Variants in AFF2 observed in about 807,000 individuals in gnomAD.
The protein encoded by AFF2 is ALF transcription elongation factor 2.
In AFF2, 14 loss-of-function variants were observed where a neutral mutation model predicts 76.9. The ratio of observed to expected loss-of-function variants is 0.18; its 90% CI spans 0.12 to 0.28. The LOEUF (loss-of-function observed/expected upper bound fraction) is 0.28. Ranked by LOEUF, AFF2 falls within the 10% of genes least tolerant of loss-of-function variation. The pLI is 1.00. For synonymous variants in AFF2, 398 were observed against 366.7 expected (o/e 1.09, Z -0.98); for missense variants, 868 against 1,001.1 (o/e 0.87, Z 1.79).
intron 3 of AFF2, among the ~76,000 whole-genome samples, chrX:148,715,002 A>G (rs782521224): frequency 1.5e-4 from 17 of 111,005 alleles, no homozygotes; most frequent in Non-Finnish European, 2.8e-4. Context: ...AAATAAAGGG[A>G]AGAGGAGAGT....
intron 8 of AFF2, among the ~76,000 whole-genome samples, chrX:148,894,936 A>G (rs1203841060): frequency 1.2e-4 from 13 of 111,252 alleles, no homozygotes; most frequent in Non-Finnish European, 1.9e-4. Context: ...CTATTTAGCC[A>G]TAAAAGAGTA....
chrX:148,843,536 C>A, intron 7 of AFF2, 103 bp downstream of exon 7: 1 of 691,464 alleles, frequency 1.4e-6, no homozygotes, highest in Non-Finnish European at 2.2e-6. Flanking sequence ...CTCCTTGAAA[C>A]TATGAACCTT....
chrX:148,945,033 G>A (rs782009763), intron 9 of AFF2, among the ~76,000 whole-genome samples: 1 of 111,052 alleles, frequency 9.0e-6, no homozygotes, highest in African/African-American at 3.3e-5. Flanking sequence ...CCAGTTCCTG[G>A]CATATAATGA....
intron 3 of AFF2, among the ~76,000 whole-genome samples, chrX:148,783,496 A>G (rs1557269243): frequency 8.9e-6 from 1 of 111,873 alleles, no homozygotes; most frequent in Non-Finnish European, 1.9e-5. Context: ...GTTAGTTTTT[A>G]CAGGTTGGGA....
rs1557257827 is a variant in AFF2 at position 148,662,115 on chromosome X, A to T, written c.388A>T (p.Thr130Ser). Residue 130 changes from threonine to serine, a missense_variant, in exon 3 of 21, where the codon ACC becomes TCC. This residue lies in a region of AFF2 where 196 missense variants were observed against 194.8 expected (regional missense o/e 1.01). Coordinates refer to ENST00000370460, the MANE Select transcript of AFF2 (RefSeq NM_002025.4). ...NRIIPPHQDN[T>S]HPSAPMPPPS... ...AATAATTCCACCTCACCAGGATAAT[A>T]CCCATCCTTCAGCACCAATGCCTCC... 3 of 1,206,942 alleles carry T rather than the reference A, an allele frequency of 2.5e-6. No individual in the cohort carries two copies. Among genetic ancestry groups the T allele is most frequent in the Non-Finnish European group, 3.4e-6 (3 of 891,176 alleles).
At chrX:148,747,992 T>TCAAA (rs1179082256) in intron 3 of AFF2, among the ~76,000 whole-genome samples, 1 of 112,102 alleles carries the variant, frequency 8.9e-6, no homozygotes, top group African/African-American at 3.2e-5. Flanking sequence ...AATTTTTTAA[T>TCAAA]CAAAATTCAT....
chrX:148,583,128 G>A (rs2053431476), intron 1 of AFF2, among the ~76,000 whole-genome samples: 1 of 111,946 alleles, frequency 8.9e-6, no homozygotes, highest in Non-Finnish European at 1.9e-5. Flanking sequence ...TGCTTAATGA[G>A]TACAGGGTTT....
chrX:148,584,007 C>T (rs1210855404), intron 1 of AFF2, among the ~76,000 whole-genome samples: 1 of 112,108 alleles, frequency 8.9e-6, no homozygotes, highest in African/African-American at 3.2e-5. Flanking sequence ...CCTCCACCCC[C>T]ACTGTGGATA....
intron 1 of AFF2, among the ~76,000 whole-genome samples, chrX:148,557,274 A>G (rs2053062213): frequency 8.9e-6 from 1 of 112,416 alleles, no homozygotes; most frequent in Non-Finnish European, 1.9e-5. Context: ...TCTTATAGTT[A>G]TACATCATGT....
intron 1 of AFF2, among the ~76,000 whole-genome samples, chrX:148,558,273 C>T (rs932066981): frequency 3.6e-5 from 4 of 111,472 alleles, no homozygotes; most frequent in East Asian, 2.8e-4. Flanking sequence ...TACCTTTTCA[C>T]GGTGGAGTTG....
chrX:148,950,386 C>T (rs2071951407), intron 9 of AFF2, among the ~76,000 whole-genome samples: 1 of 111,852 alleles, frequency 8.9e-6, no homozygotes, highest in Admixed American at 9.4e-5. Context: ...ATTTTGCCTC[C>T]ATTTAAGCAA....
At chrX:148,914,072 T>C (rs183524390) in intron 9 of AFF2, among the ~76,000 whole-genome samples, 526 of 111,178 alleles carry the variant, frequency 4.7e-3, no homozygotes, top group South Asian at 0.016. Flanking sequence ...ACAGAATAGG[T>C]CGTTTGTATG....
At chrX:148,591,953 A>G (rs782422910) in intron 1 of AFF2, among the ~76,000 whole-genome samples, 1 of 112,046 alleles carries the variant, frequency 8.9e-6, no homozygotes, top group South Asian at 3.7e-4. Context: ...GCACTGCTAC[A>G]TTTCCTCATT....
chrX:148,831,695 G>C (rs782750078), intron 4 of AFF2, among the ~76,000 whole-genome samples: 1 of 112,152 alleles, frequency 8.9e-6, no homozygotes, highest in African/African-American at 3.2e-5. Flanking sequence ...GGAAGGATTT[G>C]TTTGCTGTTC....
chrX:148,840,074 G>A (rs1603310519), intron 5 of AFF2, among the ~76,000 whole-genome samples: 1 of 110,988 alleles, frequency 9.0e-6, no homozygotes, highest in African/African-American at 3.3e-5. Flanking sequence ...AAAATGCCAT[G>A]TTTTCTCATA....
chrX:148,652,895 G>T (rs1159965240), intron 2 of AFF2, among the ~76,000 whole-genome samples: 5 of 112,115 alleles, frequency 4.5e-5, no homozygotes, highest in African/African-American at 1.6e-4. Context: ...AAATGCAGTA[G>T]CAGTGTAATT....
intron 9 of AFF2, among the ~76,000 whole-genome samples, chrX:148,907,477 A>T (rs1203308521): frequency 1.8e-5 from 2 of 111,833 alleles, no homozygotes; most frequent in African/African-American, 3.3e-5. Context: ...TCTGAGACAT[A>T]AAGGGAAAGA....
At chrX:148,855,141 G>T (rs957577106) in intron 7 of AFF2, among the ~76,000 whole-genome samples, 2 of 111,507 alleles carry the variant, frequency 1.8e-5, no homozygotes, top group Non-Finnish European at 3.8e-5. Flanking sequence ...CCTAGTGGTG[G>T]GACAGTACCT....
At chrX:148,813,292 G>C (rs2070226055) in intron 4 of AFF2, among the ~76,000 whole-genome samples, 1 of 111,702 alleles carries the variant, frequency 9.0e-6, no homozygotes, top group South Asian at 3.8e-4. Flanking sequence ...CACAAATCTA[G>C]AGTGAGAATC....
Sources: allele counts gnomAD v4.1 joint callset (sites outside exome capture counted in the v4.1 genomes callset), GRCh38; gene constraint gnomAD v4.1.1; regional missense constraint gnomAD v4.1.1; transcripts MANE v1.5; gene names NCBI Gene and HGNC (gene_info 2026-07-23, HGNC 2026-07-21).